Variants in SOCS5 observed in about 807,000 individuals in gnomAD.
SOCS5 encodes suppressor of cytokine signaling 5.
Under a neutral mutation model 42.8 loss-of-function variants are expected in SOCS5, and 32 were observed. That is an observed-to-expected ratio of 0.75 (90% confidence interval 0.56 to 1.01). The LOEUF is 1.01. SOCS5 is among the 50% of genes least tolerant of loss of function. SOCS5 has a pLI of 0.00. For missense variants in SOCS5, 627 were observed against 653.0 expected (o/e 0.96, Z 0.43); for synonymous variants, 283 against 229.6 (o/e 1.23, Z -2.10).
intron 1 of SOCS5, among the ~76,000 whole-genome samples, chr2:46,718,531 C>T (rs1672804450): frequency 6.6e-6 from 1 of 152,090 alleles, no homozygotes; most frequent in South Asian, 2.1e-4. Flanking sequence ...TTTTGGGTAT[C>T]TTTTATTGCA....
intron 1 of SOCS5, among the ~76,000 whole-genome samples, chr2:46,754,705 A>G (rs1379506468): frequency 3.3e-5 from 5 of 152,206 alleles, no homozygotes; most frequent in African/African-American, 2.4e-5. Flanking sequence ...TAGCAATTTT[A>G]TATGGTTCAA....
intron 1 of SOCS5, among the ~76,000 whole-genome samples, chr2:46,748,728 A>G (rs1233804163): frequency 3.3e-5 from 5 of 152,178 alleles, no homozygotes; most frequent in African/African-American, 1.2e-4. Flanking sequence ...TGTTATTATC[A>G]AAACATTATT....
intron 1 of SOCS5, among the ~76,000 whole-genome samples, chr2:46,730,967 G>A (rs1673105365): frequency 6.6e-6 from 1 of 152,146 alleles, no homozygotes. Context: ...GAGCACAGCA[G>A]GTGTTACTAA....
intron 1 of SOCS5, among the ~76,000 whole-genome samples, chr2:46,736,958 CAG>C (rs1192727756): frequency 1.3e-5 from 2 of 152,006 alleles, no homozygotes; most frequent in African/African-American, 2.4e-5. Context: ...CAAAAAGTTT[CAG>C]AGTTTGGACC....
rs571111726 is a variant in SOCS5, at chr2:46,760,375, T to C, written c.*234T>C. The C allele has an allele frequency of 5.7e-5, 25 of 440,450 alleles. No individual in the cohort carries two copies. Among genetic ancestry groups the C allele is most frequent in the African/African-American group, 4.4e-4 (22 of 49,860 alleles). 27.3% of individuals were successfully genotyped at this position (440,450 alleles called of 1,614,324 possible). ...AAGACTACAAAAACATTTTGCCTAT[T>C]TCGCTAACAGTTTGGTTTTTAATGG... On this transcript the variant is annotated 3_prime_UTR_variant, in exon 2 of 2. Coordinates refer to ENST00000394861, the MANE Select transcript of SOCS5 (RefSeq NM_144949.3).
intron 1 of SOCS5, among the ~76,000 whole-genome samples, chr2:46,700,437 A>T (rs2103682059): frequency 6.6e-6 from 1 of 152,338 alleles, no homozygotes; most frequent in South Asian, 2.1e-4. Flanking sequence ...TTCCCTATTT[A>T]ACGTTTAGAA....
Position 46,746,050 on chromosome 2 carries a change from GTTT to G in SOCS5, c.-12-12459_-12-12457del, listed in dbSNP as rs377005994. On this transcript the variant is annotated intron_variant, in intron 1 of 1. Coordinates refer to ENST00000394861, the MANE Select transcript of SOCS5 (RefSeq NM_144949.3). ...GGTAGCCAGACACGGAGCCCTTTGA[GTTT>G]TTTTTTTTTCTCTGATGCTTGAAAT... 5.8e-3 allele frequency among the ~76,000 whole-genome samples: 852 copies of G among 146,830 alleles called. 1 individual carries two copies. Among genetic ancestry groups the G allele is most frequent in the Middle Eastern group, 0.014 (4 of 280 alleles).
intron 1 of SOCS5, among the ~76,000 whole-genome samples, chr2:46,745,844 G>A (rs1473700983): frequency 1.3e-5 from 2 of 152,002 alleles, no homozygotes; most frequent in East Asian, 1.9e-4. Context: ...ATTGAAGAGC[G>A]GCCAGTCAGA....
At chr2:46,727,242 G>A (rs545365791) in intron 1 of SOCS5, among the ~76,000 whole-genome samples, 30 of 148,410 alleles carry the variant, frequency 2.0e-4, no homozygotes, top group African/African-American at 4.7e-4. Context: ...TCCGCCTCCC[G>A]GGTTCACGCC....
intron 1 of SOCS5, among the ~76,000 whole-genome samples, chr2:46,729,004 A>T (rs1673054650): frequency 6.6e-6 from 1 of 152,216 alleles, no homozygotes; most frequent in African/African-American, 2.4e-5. Flanking sequence ...GATCTACTGA[A>T]TCAGAAATTC....
At chr2:46,734,430 A>G (rs1441628123) in intron 1 of SOCS5, among the ~76,000 whole-genome samples, 1 of 152,194 alleles carries the variant, frequency 6.6e-6, no homozygotes, top group Non-Finnish European at 1.5e-5. Flanking sequence ...AGGTATAGGC[A>G]TATAATAAAA....
chr2:46,732,964 T>C (rs1022087510), intron 1 of SOCS5, among the ~76,000 whole-genome samples: 3 of 152,146 alleles, frequency 2.0e-5, no homozygotes, highest in African/African-American at 7.2e-5. Flanking sequence ...TCTTACAATG[T>C]TTAAAAATCG....
intron 1 of SOCS5, among the ~76,000 whole-genome samples, chr2:46,711,200 T>C (rs1672613413): frequency 6.6e-6 from 1 of 152,254 alleles, no homozygotes; most frequent in African/African-American, 2.4e-5. Context: ...AAAATAGGTC[T>C]ATGTTTAGCA....
chr2:46,717,517 G>A (rs1241676341), intron 1 of SOCS5, among the ~76,000 whole-genome samples: 3 of 151,920 alleles, frequency 2.0e-5, no homozygotes, highest in African/African-American at 7.3e-5. Context: ...AAACAATTTC[G>A]GGTTAACGGT....
rs756214120 is a variant in SOCS5 at position 46,759,736 on chromosome 2, G to C, written c.1206G>C (p.Thr402=). 6.2e-7 allele frequency: 1 copy of C among 1,614,126 alleles called. No homozygotes were observed. The highest frequency in any genetic ancestry group is 8.5e-7 in the Non-Finnish European group (1 of 1,180,002). The change falls in exon 2 of 2, where the codon ACG becomes ACC. Residue 402 remains threonine, a synonymous_variant. Transcript: ENST00000394861. Reference sequence around the variant, plus strand: ...TTCTCGAAGGGAAACCTGAAGGCACGTTTTTGCTCAGGGACTCTGCGCAAG... The same window carrying C: ...TTCTCGAAGGGAAACCTGAAGGCACCTTTTTGCTCAGGGACTCTGCGCAAG... ...EALLEGKPEG[T]FLLRDSAQED... is the part of the protein sequence containing the mutation.
rs1058153 is a variant in SOCS5, at chr2:46,760,252, C to T, written c.*111C>T. 1 of 759,054 alleles carries T rather than the reference C, an allele frequency of 1.3e-6. No homozygotes were observed. Among genetic ancestry groups the T allele is most frequent in the Non-Finnish European group, 2.2e-6 (1 of 458,788 alleles). 47.0% of individuals were successfully genotyped at this position (759,054 alleles called of 1,614,324 possible). A position where few individuals can be genotyped will look rare whatever the true frequency, so the allele number is the denominator to read the frequency against. ...TAGGCTTTTTCATACAGTATGTAAG[C>T]TTAGTGTTAGTATCTGTCAGATGCT... is the stretch of plus-strand genomic sequence containing the variant. On this transcript the variant is annotated 3_prime_UTR_variant, in exon 2 of 2. Transcript: ENST00000394861.
In SOCS5 at chr2:46,761,797, T is replaced by C. The variant is rs1185519656; in HGVS notation, c.*1656T>C. On this transcript the variant is annotated 3_prime_UTR_variant, in exon 2 of 2. Transcript: ENST00000394861. ...CTCTACATCTTATCAGTCATAATTA[T>C]ATATACTGTGGAACAGTATCTGTAG... The C allele has an allele frequency of 6.0e-6, 1 of 166,678 alleles. No individual in the cohort carries two copies. Among genetic ancestry groups the C allele is most frequent in the Non-Finnish European group, 1.5e-5 (1 of 68,102 alleles). The allele number at this position is 166,678 out of a possible 1,614,324, so 10.3% of individuals were successfully genotyped here.
chr2:46,718,266 G>A (rs796957392), intron 1 of SOCS5, among the ~76,000 whole-genome samples: 12 of 152,200 alleles, frequency 7.9e-5, no homozygotes, highest in African/African-American at 2.2e-4. Context: ...GTTGTTTACC[G>A]AAGATCTAGC....
chr2:46,708,880 C>CT (rs145238668), intron 1 of SOCS5, among the ~76,000 whole-genome samples: 1,321 of 63,244 alleles, frequency 0.021, 40 homozygotes, highest in East Asian at 0.16. Flanking sequence ...ATCCTGAAGC[C>CT]TTTTTTTTTT....
Sources: allele counts gnomAD v4.1 joint callset (sites outside exome capture counted in the v4.1 genomes callset), GRCh38; gene constraint gnomAD v4.1.1; transcripts MANE v1.5; gene names NCBI Gene and HGNC (gene_info 2026-07-23, HGNC 2026-07-21).